C5: variants seen among roughly 807,000 people sequenced by gnomAD.
The protein encoded by C5 is complement C5.
C5 carries 140 observed loss-of-function variants against 218.8 expected under a neutral mutation model. The observed-to-expected ratio is 0.64, with a 90% CI of 0.56 to 0.74. C5 has a LOEUF of 0.74. C5 is among the 30% of genes least tolerant of loss of function. The probability of loss-of-function intolerance (pLI) is 0.00; values close to 1 mark genes in which losing one functional copy is unlikely to be tolerated. For synonymous variants in C5, 614 were observed against 682.3 expected (o/e 0.90, Z 1.56); for missense variants, 1,700 against 1,969.6 (o/e 0.86, Z 2.59).
chr9:121,031,051 T>C lies in C5; in HGVS notation c.668-564A>G, dbSNP rs549424084. Among the ~76,000 whole-genome samples the C allele has an allele frequency of 3.9e-5, 6 of 152,268 alleles. No individual in the cohort carries two copies. In the East Asian group the frequency reaches 9.6e-4, roughly 24 times the overall value. On this transcript the variant is annotated intron_variant, in intron 6 of 40. Coordinates refer to ENST00000223642, the MANE Select transcript of C5 (RefSeq NM_001735.3). ...TACAGAGAGCCTGTAATCTTTAAGG[T>C]TGAGTTTCATCATAACGAATTTGTT...
intron 20 of C5, among the ~76,000 whole-genome samples, chr9:121,001,461 C>G: frequency 6.6e-6 from 1 of 152,204 alleles, no homozygotes; most frequent in Non-Finnish European, 1.5e-5. Flanking sequence ...AGTGACATAT[C>G]ACTTGTGTCT....
At chr9:121,009,670 A>G (rs2047245776) in intron 17 of C5, among the ~76,000 whole-genome samples, 1 of 152,256 alleles carries the variant, frequency 6.6e-6, no homozygotes, top group Non-Finnish European at 1.5e-5. Flanking sequence ...ACTACACACA[A>G]AAAGCACCAT....
At chr9:120,964,096 T>G (rs2131671847) in intron 33 of C5, among the ~76,000 whole-genome samples, 1 of 152,362 alleles carries the variant, frequency 6.6e-6, no homozygotes, top group East Asian at 1.9e-4. Context: ...CTCACGTTAG[T>G]TCATTTTCTA....
chr9:121,005,125 T>C (rs2047206144), intron 20 of C5, among the ~76,000 whole-genome samples: 1 of 152,192 alleles, frequency 6.6e-6, no homozygotes, highest in South Asian at 2.1e-4. Context: ...TTGGAACACA[T>C]TGAATTCTCA....
intron 38 of C5, among the ~76,000 whole-genome samples, chr9:120,958,943 C>T (rs967099790): frequency 1.3e-5 from 2 of 152,048 alleles, no homozygotes; most frequent in Non-Finnish European, 1.5e-5. Flanking sequence ...GAGCCATCAA[C>T]GCACAGCTAA....
upstream of C5, among the ~76,000 whole-genome samples, chr9:121,054,106 G>C (rs1198659135): frequency 6.6e-6 from 1 of 152,066 alleles, no homozygotes; most frequent in Non-Finnish European, 1.5e-5. Flanking sequence ...TGATGGGAAG[G>C]GAGGTTAGAC....
chr9:121,066,710 C>T, the C5 span, among the ~76,000 whole-genome samples: 1 of 150,504 alleles, frequency 6.6e-6, no homozygotes, highest in Non-Finnish European at 1.5e-5. Context: ...ATTAGCCGGG[C>T]GAGGTGGTGC....
At chr9:120,994,891 C>G (rs1470201695) in intron 22 of C5, among the ~76,000 whole-genome samples, 2 of 137,282 alleles carry the variant, frequency 1.5e-5, no homozygotes, top group African/African-American at 5.6e-5. Context: ...AAATTGTTTG[C>G]AATAATGTCA....
intron 1 of C5, among the ~76,000 whole-genome samples, chr9:121,049,831 C>G (rs1402235232): frequency 6.6e-6 from 1 of 152,136 alleles, no homozygotes; most frequent in Non-Finnish European, 1.5e-5. Context: ...CCTGGTTTAA[C>G]TGTGTATAGT....
intron 31 of C5, among the ~76,000 whole-genome samples, chr9:120,970,804 T>G (rs1458310040): frequency 6.6e-6 from 1 of 152,234 alleles, no homozygotes. Flanking sequence ...ATTAAAATTA[T>G]TAATAGGATG....
chr9:121,044,358 C>T (rs557645410), intron 2 of C5, among the ~76,000 whole-genome samples: 1 of 152,210 alleles, frequency 6.6e-6, no homozygotes, highest in African/African-American at 2.4e-5. Flanking sequence ...GCCTGTTAAT[C>T]CCAGCTACTT....
intron 3 of C5, among the ~76,000 whole-genome samples, chr9:121,040,718 A>G (rs1587997932): frequency 1.3e-5 from 2 of 152,176 alleles, no homozygotes; most frequent in African/African-American, 2.4e-5. Flanking sequence ...TATTATCTCT[A>G]TTTTACAAGT....
At chr9:120,992,207 T>C (rs992124610) in intron 22 of C5, among the ~76,000 whole-genome samples, 4 of 152,242 alleles carry the variant, frequency 2.6e-5, no homozygotes, top group Non-Finnish European at 5.9e-5. Flanking sequence ...ACAAGCCACA[T>C]GGCTTTCCTA....
chr9:120,997,517 G>T, intron 21 of C5, 30 bp downstream of exon 21: 2 of 1,462,778 alleles, frequency 1.4e-6, no homozygotes, highest in Non-Finnish European at 1.9e-6. Flanking sequence ...AATAATTTAA[G>T]CATAAGTTAT....
intron 20 of C5, 126 bp downstream of exon 20, chr9:121,005,793 G>A: frequency 2.3e-6 from 2 of 876,936 alleles, no homozygotes; most frequent in Non-Finnish European, 3.7e-6. Context: ...CTCATTTTAA[G>A]TGTTTGGTTT....
At chr9:121,073,295 G>C in the C5 span, among the ~76,000 whole-genome samples, 1 of 152,048 alleles carries the variant, frequency 6.6e-6, no homozygotes, top group East Asian at 1.9e-4. Context: ...CCGCTTCCGG[G>C]GTTTGCACAA....
intron 11 of C5, among the ~76,000 whole-genome samples, chr9:121,021,084 A>G (rs770625578): frequency 1.3e-5 from 2 of 152,168 alleles, no homozygotes; most frequent in African/African-American, 2.4e-5. Context: ...TTGCTGCGAG[A>G]GAAGACTATT....
chr9:121,054,291 A>G (rs139517641), upstream of C5, among the ~76,000 whole-genome samples: 72 of 152,340 alleles, frequency 4.7e-4, no homozygotes, highest in African/African-American at 1.7e-3. Context: ...ATATCATTAA[A>G]TGAGTTTTAA....
In C5 at chr9:121,008,408, C is replaced by T; in HGVS notation, c.2348G>A (p.Arg783Lys). Residue 783 changes from arginine (R) to lysine (K), a missense_variant and splice_region_variant, in exon 18 of 41, where the codon AGA (arginine) becomes AAA (lysine). Transcript: ENST00000223642. Reference protein sequence around the residue: ...WLWEVHLVPRRKQLQFALPDS... With the variant: ...WLWEVHLVPRKKQLQFALPDS... Reference sequence around the variant, plus strand: ...AGGAAACATGAAAGAAGTATAATACCTTCTGGGAACAAGATGAACTTCCCA... The same window carrying T: ...AGGAAACATGAAAGAAGTATAATACTTTCTGGGAACAAGATGAACTTCCCA... 6.2e-7 allele frequency: 1 copy of T among 1,608,746 alleles called. No homozygotes were observed. The highest frequency in any genetic ancestry group is 2.2e-5 in the East Asian group (1 of 44,802).
Sources: allele counts gnomAD v4.1 joint callset (sites outside exome capture counted in the v4.1 genomes callset), GRCh38; gene constraint gnomAD v4.1.1; transcripts MANE v1.5; gene names NCBI Gene and HGNC (gene_info 2026-07-23, HGNC 2026-07-21).